MOB3B: variants seen among roughly 807,000 people sequenced by gnomAD.
MOB3B encodes the protein MOB kinase activator-like 2B.
Under a neutral mutation model 18.7 loss-of-function variants are expected in MOB3B, and 7 were observed. That is an observed-to-expected ratio of 0.37 (90% CI 0.21 to 0.70). MOB3B has a LOEUF of 0.70. Ranked by LOEUF, MOB3B falls within the 30% of genes least tolerant of loss-of-function variation. The probability of loss-of-function intolerance (pLI) is 0.52; values close to 1 mark genes in which losing one functional copy is unlikely to be tolerated. For synonymous variants in MOB3B, 111 were observed against 99.9 expected (o/e 1.11, Z -0.66); for missense variants, 253 against 281.3 (o/e 0.90, Z 0.72).
At chr9:27,438,945 G>A (rs1822551902) in intron 2 of MOB3B, among the ~76,000 whole-genome samples, 1 of 152,136 alleles carries the variant, frequency 6.6e-6, no homozygotes, top group African/African-American at 2.4e-5. Flanking sequence ...GAGACTTAGG[G>A]CCTCTGGGGT....
chr9:27,525,003 CTT>C (rs767689189), intron 1 of MOB3B: 39 of 1,452,710 alleles, frequency 2.7e-5, no homozygotes, highest in Non-Finnish European at 3.2e-5. Flanking sequence ...TCCGAAATCT[CTT>C]TCTCCTTCTC....
chr9:27,423,122 G>C (rs1237617228), intron 2 of MOB3B, among the ~76,000 whole-genome samples: 1 of 152,136 alleles, frequency 6.6e-6, no homozygotes, highest in Non-Finnish European at 1.5e-5. Context: ...AACATTTTTA[G>C]TGCCTATTAT....
chr9:27,405,999 T>C (rs554650925), intron 2 of MOB3B, among the ~76,000 whole-genome samples: 2 of 152,310 alleles, frequency 1.3e-5, no homozygotes, highest in African/African-American at 4.8e-5. Flanking sequence ...AAAGTTTTTA[T>C]CTAAGATTTG....
intron 1 of MOB3B, among the ~76,000 whole-genome samples, chr9:27,518,878 T>A (rs1437054044): frequency 6.6e-6 from 1 of 152,218 alleles, no homozygotes; most frequent in African/African-American, 2.4e-5. Context: ...TAAACTAACA[T>A]TTACTGTGTA....
At chr9:27,511,300 G>T (rs1250205717) in intron 1 of MOB3B, among the ~76,000 whole-genome samples, 1 of 152,070 alleles carries the variant, frequency 6.6e-6, no homozygotes, top group African/African-American at 2.4e-5. Flanking sequence ...AGAAAATCAG[G>T]CAGCCTTTAG....
chr9:27,524,508 G>A, intron 1 of MOB3B: 1 of 1,614,086 alleles, frequency 6.2e-7, no homozygotes, highest in South Asian at 1.1e-5. Flanking sequence ...ATTTCCTGTA[G>A]AATGTCTACG....
Position 27,327,193 on chromosome 9 carries a change from T to C in MOB3B, c.*3394A>G, listed in dbSNP as rs1820725637. Reference sequence around the variant, plus strand: ...TGCAATGCTTATAATATTTTGGGGATCCTGGGCCTCCTTGAGAACATTAAG... The same window carrying C: ...TGCAATGCTTATAATATTTTGGGGACCCTGGGCCTCCTTGAGAACATTAAG... On this transcript the variant is annotated 3_prime_UTR_variant, in exon 4 of 4. Transcript: ENST00000262244. The C allele has an allele frequency of 6.6e-6, 1 of 152,210 alleles. No homozygotes were observed. Among genetic ancestry groups the C allele is most frequent in the African/African-American group, 2.4e-5 (1 of 41,444 alleles). The allele number at this position is 152,210 out of a possible 1,614,324, so 9.4% of individuals were successfully genotyped here.
chr9:27,500,547 G>A (rs569109895), intron 1 of MOB3B, among the ~76,000 whole-genome samples: 104 of 152,330 alleles, frequency 6.8e-4, no homozygotes, highest in Non-Finnish European at 1.3e-3. Context: ...CTAGCCGTAT[G>A]TAGAAAGCTG....
intron 3 of MOB3B, among the ~76,000 whole-genome samples, chr9:27,350,179 A>G (rs532150612): frequency 1.3e-5 from 2 of 151,920 alleles, no homozygotes; most frequent in African/African-American, 4.8e-5. Flanking sequence ...TTTTCTGATT[A>G]GAAAAGTGAC....
chr9:27,460,810 G>A (rs1323389136), intron 1 of MOB3B, among the ~76,000 whole-genome samples: 1 of 152,204 alleles, frequency 6.6e-6, no homozygotes, highest in African/African-American at 2.4e-5. Flanking sequence ...TTCATTGCCA[G>A]GCACAGAGCT....
intron 2 of MOB3B, among the ~76,000 whole-genome samples, chr9:27,432,934 T>C (rs1822437313): frequency 6.6e-6 from 1 of 152,198 alleles, no homozygotes; most frequent in Admixed American, 6.5e-5. Context: ...CCCAATTACA[T>C]GGAATTCTCT....
At chr9:27,420,975 C>G (rs932590436) in intron 2 of MOB3B, 6 of 152,262 alleles carry the variant, frequency 3.9e-5, no homozygotes, top group Non-Finnish European at 8.8e-5. Flanking sequence ...GTAACATCTT[C>G]CACTGACCCA....
chr9:27,460,726 G>T (rs1053658054), intron 1 of MOB3B, among the ~76,000 whole-genome samples: 6 of 152,168 alleles, frequency 3.9e-5, no homozygotes, highest in Non-Finnish European at 7.3e-5. Context: ...CTGCCAGGAT[G>T]ATTCATTTCC....
chr9:27,365,364 C>CT (rs55691019), intron 2 of MOB3B, among the ~76,000 whole-genome samples: 50,573 of 116,422 alleles, frequency 0.43, 11,682 homozygotes, highest in Non-Finnish European at 0.51. Flanking sequence ...TCCTTCTTCT[C>CT]TTTTTTTTTT....
At position 27,469,424 on chromosome 9, in the gene MOB3B, CT is replaced by C. The variant is rs1819438160; in HGVS notation, c.-198-13677del. Among the ~76,000 whole-genome samples the C allele has an allele frequency of 2.0e-5, 3 of 152,310 alleles. 1 individual carries two copies. The South Asian group carries it at 6.2e-4, about 32-fold the overall frequency. On this transcript the variant is annotated intron_variant, in intron 1 of 3. Transcript: ENST00000262244. ...CCCTTCAGTGACAGCATCCTGGCCC[CT>C]AACCTGTCTCCCTCAATCATCCCAC... is the stretch of plus-strand genomic sequence containing the variant.
chr9:27,503,905 A>G (rs1466830288), intron 1 of MOB3B, among the ~76,000 whole-genome samples: 1 of 151,742 alleles, frequency 6.6e-6, no homozygotes, highest in Non-Finnish European at 1.5e-5. Flanking sequence ...ACTCGGGACC[A>G]CTCTTCAGGC....
At chr9:27,362,307 G>A (rs373443804) in intron 2 of MOB3B, among the ~76,000 whole-genome samples, 79 of 152,186 alleles carry the variant, frequency 5.2e-4, no homozygotes, top group African/African-American at 1.9e-3. Flanking sequence ...CTAGTAAGCA[G>A]TAGGGCTAGG....
chr9:27,334,299 CGGAGT>C (rs1820832127), intron 3 of MOB3B, among the ~76,000 whole-genome samples: 1 of 151,980 alleles, frequency 6.6e-6, no homozygotes. Flanking sequence ...TTGTCCTTTG[CGGAGT>C]CTGAAGTTTT....
intron 1 of MOB3B, among the ~76,000 whole-genome samples, chr9:27,459,697 G>T (rs527693469): frequency 2.0e-5 from 3 of 151,930 alleles, no homozygotes; most frequent in African/African-American, 7.3e-5. Flanking sequence ...TTTTGATCTG[G>T]ACTGACTTGT....
Sources: gnomAD v4.1 joint callset for allele counts (sites outside exome capture counted in the v4.1 genomes callset) on GRCh38, gnomAD v4.1.1 for gene constraint, MANE v1.5 for transcripts, NCBI Gene and HGNC (gene_info 2026-07-23, HGNC 2026-07-21) for gene names.